TMC8: variants seen among roughly 807,000 people sequenced by gnomAD.
TMC8 encodes the protein transmembrane channel-like protein 8.
In TMC8, 71 loss-of-function variants were observed where a neutral mutation model predicts 76.0. The ratio of observed to expected loss-of-function variants is 0.93; its 90% CI spans 0.77 to 1.14. The LOEUF (loss-of-function observed/expected upper bound fraction) is 1.14, where lower values mean the gene tolerates loss of function less well. TMC8 is among the 50% of genes most tolerant of loss of function. The probability of loss-of-function intolerance (pLI) is 0.00; values close to 1 mark genes in which losing one functional copy is unlikely to be tolerated. For missense variants in TMC8, 924 were observed against 947.9 expected, an observed-to-expected ratio of 0.97 and a Z score of 0.33; for synonymous variants, 433 against 433.8, an observed-to-expected ratio of 1.00 and a Z score of 0.02.
chr17:78,137,503 A>C, intron 10 of TMC8, 145 bp downstream of exon 10: 1 of 1,434,764 alleles, frequency 7.0e-7, no homozygotes, highest in Non-Finnish European at 9.7e-7. Flanking sequence ...GCACACCTCC[A>C]GGGGGCGCCA....
At position 78,132,521 on chromosome 17, in the gene TMC8, C is replaced by T; in HGVS notation, c.448+13C>T. 1 of 1,605,814 alleles carries T rather than the reference C, an allele frequency of 6.2e-7. No individual in the cohort carries two copies. Among genetic ancestry groups the T allele is most frequent in the Non-Finnish European group, 8.5e-7 (1 of 1,177,424 alleles). On this transcript the variant is annotated intron_variant, in intron 4 of 15. Transcript: ENST00000318430. ...ACCCTGAACTTGAGTGAGTGTGAGG[C>T]CCACCAGGGGAAGTGCTCCGGTGCC...
chr17:78,132,862 A>G lies in TMC8; in HGVS notation c.523A>G (p.Thr175Ala). 1.2e-6 allele frequency: 2 copies of G among 1,614,138 alleles called. No individual in the cohort carries two copies. Among genetic ancestry groups the G allele is most frequent in the Non-Finnish European group, 1.7e-6 (2 of 1,180,008 alleles). ...RFHNQLWHVL[T>A]GRAFTNTYLF... ...CCACAATCAACTTTGGCATGTTTTGACTGGCAGGGTGAGTGAGGTCTGTCC... is the reference window on the plus strand; with the variant it reads ...CCACAATCAACTTTGGCATGTTTTGGCTGGCAGGGTGAGTGAGGTCTGTCC... The change falls in exon 5 of 16, where the codon ACT becomes GCT. Residue 175 changes from threonine (T) to alanine (A), a missense_variant. Thr to Ala is a moderately conservative substitution (Grantham distance 58). Transcript: ENST00000318430.
intron 3 of TMC8, 95 bp downstream of exon 3, chr17:78,132,125 A>G: frequency 6.6e-7 from 1 of 1,519,100 alleles, no homozygotes; most frequent in Middle Eastern, 1.7e-4. Context: ...ACCTGCCTTC[A>G]CCCGGGTCCC....
intron 9 of TMC8, among the ~76,000 whole-genome samples, chr17:78,135,692 C>A (rs975678678): frequency 6.6e-6 from 1 of 152,248 alleles, no homozygotes; most frequent in Non-Finnish European, 1.5e-5. Flanking sequence ...ACGCCACCCT[C>A]AGTCACCACT....
rs1177179690 is a variant in TMC8, at chr17:78,138,026, A to G, written c.1371A>G (p.Ser457=). The change falls in exon 12 of 16, where the codon TCA becomes TCG. Residue 457 remains serine, a synonymous_variant. Coordinates refer to ENST00000318430, the MANE Select transcript of TMC8 (RefSeq NM_152468.5). Reference sequence around the variant, plus strand: ...GCAGGCTGCTGGTGGACCGGTTCTCAGGCCGGTTCTGGGCCTGGCTGGAAC... The same window carrying G: ...GCAGGCTGCTGGTGGACCGGTTCTCGGGCCGGTTCTGGGCCTGGCTGGAAC... ...LPRRLLVDRF[S]GRFWAWLERE... is the part of the protein sequence containing the mutation. 3.1e-6 allele frequency: 5 copies of G among 1,613,962 alleles called. No individual in the cohort carries two copies. Among genetic ancestry groups the G allele is most frequent in the South Asian group, 2.2e-5 (2 of 91,074 alleles).
rs2075380134 is a variant in TMC8, at chr17:78,141,979, A to G, written c.*867A>G. ...CCCGCACCGCCTGGGCCTTAGTGGT[A>G]TGTACGGGCCTGCATCGTGAGCAGC... On this transcript the variant is annotated 3_prime_UTR_variant, in exon 16 of 16. Transcript: ENST00000318430. 6.6e-6 allele frequency: 1 copy of G among 152,250 alleles called. No individual in the cohort carries two copies. Among genetic ancestry groups the G allele is most frequent in the African/African-American group, 2.4e-5 (1 of 41,456 alleles). The allele number at this position is 152,250 out of a possible 1,614,324, so 9.4% of individuals were successfully genotyped here.
Position 78,131,581 on chromosome 17 carries a change from C to G in TMC8, c.-8C>G, listed in dbSNP as rs2074966809. On this transcript the variant is annotated 5_prime_UTR_variant, in exon 2 of 16. Transcript: ENST00000318430. ...CCGGCGCCCCAGCCTCTACCCGTGC[C>G]CGCCGAGATGCTGCTGCCGCGGTCG... is the stretch of plus-strand genomic sequence containing the variant. 3.2e-6 allele frequency: 5 copies of G among 1,543,852 alleles called. No individual in the cohort carries two copies. Among genetic ancestry groups the G allele is most frequent in the Non-Finnish European group, 4.4e-6 (5 of 1,146,612 alleles).
rs367591631 is a variant in TMC8, at chr17:78,131,755, G to T, written c.149+18G>T. 70 of 1,570,420 alleles carry T rather than the reference G, an allele frequency of 4.5e-5. No homozygotes were observed. Among genetic ancestry groups the T allele is most frequent in the Admixed American group, 5.5e-5 (3 of 54,238 alleles). On this transcript the variant is annotated intron_variant, in intron 2 of 15. Coordinates refer to ENST00000318430, the MANE Select transcript of TMC8 (RefSeq NM_152468.5). ...CTCATCTGGTGGGTGCCACGCGGGC[G>T]CCAGACGGTGCGTGGGGGGGGTGCT... is the stretch of plus-strand genomic sequence containing the variant.
At chr17:78,134,101 G>A (rs910798685) in intron 7 of TMC8, 101 bp downstream of exon 7, 104 of 1,534,892 alleles carry the variant, frequency 6.8e-5, no homozygotes, top group African/African-American at 2.6e-4. Flanking sequence ...AAGTGCGACC[G>A]TGCCAGTGTG....
In TMC8 at chr17:78,131,583, G is replaced by C; in HGVS notation, c.-6G>C. The C allele has an allele frequency of 1.3e-6, 2 of 1,544,114 alleles. No homozygotes were observed. The highest frequency in any genetic ancestry group is 1.7e-6 in the Non-Finnish European group (2 of 1,146,646). The stretch of plus-strand genomic sequence containing the variant: ...GGCGCCCCAGCCTCTACCCGTGCCC[G>C]CCGAGATGCTGCTGCCGCGGTCGGT... On this transcript the variant is annotated 5_prime_UTR_variant, in exon 2 of 16. Coordinates refer to ENST00000318430, the MANE Select transcript of TMC8 (RefSeq NM_152468.5).
intron 4 of TMC8, 112 bp downstream of exon 4, chr17:78,132,620 G>C: frequency 4.0e-6 from 6 of 1,515,812 alleles, no homozygotes; most frequent in Non-Finnish European, 5.4e-6. Flanking sequence ...TGCCGTGCAG[G>C]CCCCGGGGCT....
intron 8 of TMC8, 142 bp downstream of exon 8, chr17:78,134,706 C>A (rs909479585): frequency 6.7e-7 from 1 of 1,500,728 alleles, no homozygotes; most frequent in Non-Finnish European, 9.1e-7. Flanking sequence ...CAGGCGGGCT[C>A]CCACTGGATA....
Position 78,142,211 on chromosome 17 carries a change from C to T in TMC8, c.*1099C>T, listed in dbSNP as rs1198082242. ...CTGAGTAGCTGCTACAAGCTGGCCACAGCCCAGCGACTCTGATGTGGTTGG... is the reference window on the plus strand; with the variant it reads ...CTGAGTAGCTGCTACAAGCTGGCCATAGCCCAGCGACTCTGATGTGGTTGG... On this transcript the variant is annotated 3_prime_UTR_variant, in exon 16 of 16. Transcript: ENST00000318430. 6.6e-6 allele frequency: 1 copy of T among 152,196 alleles called. No individual in the cohort carries two copies. The highest frequency in any genetic ancestry group is 2.4e-5 in the African/African-American group (1 of 41,432). 9.4% of individuals were successfully genotyped at this position (152,196 alleles called of 1,614,324 possible). A position where few individuals can be genotyped will look rare whatever the true frequency, so the allele number is the denominator to read the frequency against.
At chr17:78,132,558 T>G in intron 4 of TMC8, 50 bp downstream of exon 4, 1 of 1,577,666 alleles carries the variant, frequency 6.3e-7, no homozygotes, top group Admixed American at 1.8e-5. Context: ...ACCTGCGCCA[T>G]GGGGGGGCTG....
chr17:78,132,158 C>A, intron 3 of TMC8, 128 bp downstream of exon 3: 2 of 1,449,932 alleles, frequency 1.4e-6, no homozygotes, highest in East Asian at 2.5e-5. Flanking sequence ...CCCCTCCCCC[C>A]TCCCACCCCT....
intron 15 of TMC8, among the ~76,000 whole-genome samples, chr17:78,140,064 A>G (rs1319170207): frequency 1.3e-5 from 2 of 152,160 alleles, no homozygotes; most frequent in African/African-American, 2.4e-5. Flanking sequence ...AAAGGATAAC[A>G]TGGCTGAGTG....
intron 15 of TMC8, among the ~76,000 whole-genome samples, chr17:78,139,974 G>A (rs949339197): frequency 3.3e-5 from 5 of 152,074 alleles, no homozygotes; most frequent in African/African-American, 7.2e-5. Context: ...GCGGAGGGGC[G>A]GAGGTTGCAG....
intron 8 of TMC8, 137 bp downstream of exon 8, chr17:78,134,701 G>A (rs983690499): frequency 4.0e-6 from 6 of 1,504,804 alleles, no homozygotes; most frequent in African/African-American, 2.8e-5. Context: ...CAAGGCAGGC[G>A]GGCTCCCACT....
rs544176926 is a variant in TMC8 at position 78,134,959 on chromosome 17, C to T, written c.1077C>T (p.Val359=). 3.7e-6 allele frequency: 6 copies of T among 1,614,102 alleles called. No individual in the cohort carries two copies. The South Asian group carries it at 4.4e-5, about 12-fold the overall frequency. ...FLGPLLFTFL[V]QLENYPPNTE... ...GTCCCCTGCTGTTCACATTTCTGGT[C>T]CAGCTGGAGAACTACCCTCCCAACA... Residue 359 remains valine, a synonymous_variant, in exon 9 of 16, where the codon GTC becomes GTT. Coordinates refer to ENST00000318430, the MANE Select transcript of TMC8 (RefSeq NM_152468.5).
Sources: allele counts gnomAD v4.1 joint callset (sites outside exome capture counted in the v4.1 genomes callset), GRCh38; gene constraint gnomAD v4.1.1; transcripts MANE v1.5; gene names NCBI Gene and HGNC (gene_info 2026-07-23, HGNC 2026-07-21).